The following CRMP1 variants were observed in gnomAD, a reference collection of about 807,000 sequenced individuals.
CRMP1 encodes the protein dihydropyrimidinase-related protein 1.
In CRMP1, 19 loss-of-function variants were observed where a neutral mutation model predicts 68.3. That is an observed-to-expected ratio of 0.28 (90% CI 0.19 to 0.41). The LOEUF is 0.41. Among genes scored for constraint, CRMP1 ranks in the 10% least tolerant of loss-of-function variants. CRMP1 has a pLI of 1.00. For missense variants in CRMP1, 791 were observed against 967.4 expected (o/e 0.82, Z 2.42); for synonymous variants, 439 against 399.6 (o/e 1.10, Z -1.18).
In CRMP1 at chr4:5,892,491, C is replaced by G. The variant is rs1715997120; in HGVS notation, c.381+98G>C. The G allele has an allele frequency of 3.6e-6, 4 of 1,108,498 alleles. No homozygotes were observed. Among genetic ancestry groups the G allele is most frequent in the African/African-American group, 3.3e-5 (2 of 60,282 alleles). 68.7% of individuals were successfully genotyped at this position (1,108,498 alleles called of 1,614,324 possible). A position where few individuals can be genotyped will look rare whatever the true frequency, so the allele number is the denominator to read the frequency against. ...TCTCCCCAGCCTGGCGGCCGCTGCC[C>G]CAACACCGGGGCCCGGGCATGGCCC... On this transcript the variant is annotated intron_variant, in intron 1 of 13. Transcript: ENST00000324989. The surrounding 1 kb of genome is among the most constrained non-coding windows in gnomAD (Gnocchi z 8.6).
intron 13 of CRMP1, chr4:5,824,775 C>T (rs1719276197): frequency 1.0e-6 from 1 of 983,358 alleles, no homozygotes. Context: ...CGGTGTGCAA[C>T]CCATGCAACG....
chr4:5,866,573 G>A lies in CRMP1; in HGVS notation c.470+95C>T, dbSNP rs1172973643. On this transcript the variant is annotated intron_variant, in intron 2 of 13. Transcript: ENST00000324989. This position sits in a 1 kb window ranked among gnomAD's most constrained non-coding sequence, Gnocchi z 5.9. ...CCCTGAAACACAGGTACACAGCCCC[G>A]TCATTCTAGGACAGAATGCCAGCCT... is the stretch of plus-strand genomic sequence containing the variant. 17 of 863,426 alleles carry A rather than the reference G, an allele frequency of 2.0e-5. No homozygotes were observed. Among genetic ancestry groups the A allele is most frequent in the Non-Finnish European group, 2.2e-5 (12 of 541,574 alleles). 53.5% of individuals were successfully genotyped at this position (863,426 alleles called of 1,614,324 possible). A position where few individuals can be genotyped will look rare whatever the true frequency, so the allele number is the denominator to read the frequency against.
rs1715915038 is a variant in CRMP1, at chr4:5,890,976, C to T, written c.381+1613G>A. Among the ~76,000 whole-genome samples the T allele has an allele frequency of 6.6e-6, 1 of 152,126 alleles. No homozygotes were observed. The highest frequency in any genetic ancestry group is 1.5e-5 in the Non-Finnish European group (1 of 68,016). On this transcript the variant is annotated intron_variant, in intron 1 of 13. Coordinates refer to ENST00000324989, the MANE Select transcript of CRMP1 (RefSeq NM_001014809.3). This position sits in a 1 kb window ranked among gnomAD's most constrained non-coding sequence, Gnocchi z 5.5. ...GAGAGCAAAGCGCCTTGGCTGGAAA[C>T]CCGGATTCCCTGGTGCTGGTCCCGC... is the stretch of plus-strand genomic sequence containing the variant.
At chr4:5,880,426 T>C (rs1295338364) in intron 1 of CRMP1, among the ~76,000 whole-genome samples, 4 of 152,142 alleles carry the variant, frequency 2.6e-5, no homozygotes, top group African/African-American at 9.7e-5. Context: ...TGGGGGCAGG[T>C]TCAAAATTTC....
At position 5,861,543 on chromosome 4, in the gene CRMP1, G is replaced by T. The variant is rs1713556833; in HGVS notation, c.471-333C>A. ...CCAACAGAAGTGAGCCCAGCATGATGCATGTGCTGACCGTCATGTCTATTC... is the reference window on the plus strand; with the variant it reads ...CCAACAGAAGTGAGCCCAGCATGATTCATGTGCTGACCGTCATGTCTATTC... On this transcript the variant is annotated intron_variant, in intron 2 of 13. Transcript: ENST00000324989. This position sits in a 1 kb window ranked among gnomAD's most constrained non-coding sequence, Gnocchi z 6.0. Among the ~76,000 whole-genome samples, 1 of 152,218 alleles carries T rather than the reference G, an allele frequency of 6.6e-6. No homozygotes were observed. The highest frequency in any genetic ancestry group is 2.4e-5 in the African/African-American group (1 of 41,462).
intron 13 of CRMP1, chr4:5,824,206 G>C: frequency 2.6e-6 from 2 of 761,866 alleles, no homozygotes; most frequent in Non-Finnish European, 3.2e-6. Context: ...CAAACTCCTT[G>C]AGAGCTTGTG....
intron 1 of CRMP1, among the ~76,000 whole-genome samples, chr4:5,871,978 T>TG (rs1057161659): frequency 1.3e-5 from 2 of 152,176 alleles, no homozygotes; most frequent in Non-Finnish European, 2.9e-5. Context: ...CGAACAGGTG[T>TG]GACCTCCAGG....
intron 1 of CRMP1, among the ~76,000 whole-genome samples, chr4:5,874,575 C>T: frequency 6.6e-6 from 1 of 152,010 alleles, no homozygotes; most frequent in Non-Finnish European, 1.5e-5. Flanking sequence ...CAGCCAGGAC[C>T]CTTACACAGT....
In CRMP1 at chr4:5,891,862, G is replaced by A. The variant is rs1344519110; in HGVS notation, c.381+727C>T. The stretch of plus-strand genomic sequence containing the variant: ...CTGATCCTCCCGGCCCCATGCTCAG[G>A]TCCGGGAGGCCAGAGACCCCAGTTC... On this transcript the variant is annotated intron_variant, in intron 1 of 13. Transcript: ENST00000324989. This position sits in a 1 kb window ranked among gnomAD's most constrained non-coding sequence, Gnocchi z 5.2. 6.6e-6 allele frequency among the ~76,000 whole-genome samples: 1 copy of A among 152,148 alleles called. No homozygotes were observed. The highest frequency in any genetic ancestry group is 1.5e-5 in the Non-Finnish European group (1 of 68,022).
Position 5,888,620 on chromosome 4 carries a change from A to ACCCAGCC in CRMP1, c.381+3968_381+3969insGGCTGGG. 1 of 751,538 alleles carries ACCCAGCC rather than the reference A, an allele frequency of 1.3e-6. No individual in the cohort carries two copies. The highest frequency in any genetic ancestry group is 1.6e-6 in the Non-Finnish European group (1 of 633,574). The allele number at this position is 751,538 out of a possible 1,614,324, so 46.6% of individuals were successfully genotyped here. A position where few individuals can be genotyped will look rare whatever the true frequency, so the allele number is the denominator to read the frequency against. On this transcript the variant is annotated intron_variant, in intron 1 of 13. Transcript: ENST00000324989. The surrounding 1 kb of genome is among the most constrained non-coding windows in gnomAD (Gnocchi z 6.4). Reference sequence around the variant, plus strand: ...GGAAGCGCTTCCCTTCCGATCTCCCACCCCGCCCCCCGCCCCCCACCCGCC... The same window carrying ACCCAGCC: ...GGAAGCGCTTCCCTTCCGATCTCCCACCCAGCCCCCCGCCCCCCGCCCCCCACCCGCC...
rs73208634 is a variant in CRMP1, at chr4:5,883,184, T to G, written c.381+9405A>C. Among the ~76,000 whole-genome samples, 2 of 152,266 alleles carry G rather than the reference T, an allele frequency of 1.3e-5. No individual in the cohort carries two copies. Among genetic ancestry groups the G allele is most frequent in the Non-Finnish European group, 2.9e-5 (2 of 68,020 alleles). ...GCTTCTGCCAGGGCTGAGTCATCTC[T>G]TCTCTGAATTCCTCTGACACCTGTG... On this transcript the variant is annotated intron_variant, in intron 1 of 13. Coordinates refer to ENST00000324989, the MANE Select transcript of CRMP1 (RefSeq NM_001014809.3). The surrounding 1 kb of genome is among the most constrained non-coding windows in gnomAD (Gnocchi z 4.5).
chr4:5,840,018 CAGTT>C (rs1175389724), intron 8 of CRMP1, among the ~76,000 whole-genome samples: 4 of 152,210 alleles, frequency 2.6e-5, no homozygotes, highest in African/African-American at 9.7e-5. Flanking sequence ...TTTACTCTCT[CAGTT>C]AGGGTTCTGC....
intron 1 of CRMP1, among the ~76,000 whole-genome samples, chr4:5,886,700 C>T (rs1207625923): frequency 6.6e-6 from 1 of 152,280 alleles, no homozygotes; most frequent in Admixed American, 6.5e-5. Context: ...GTCACTGCAT[C>T]ACCCCGACCC....
rs1008747278 is a variant in CRMP1 at position 5,881,880 on chromosome 4, T to G, written c.381+10709A>C. The stretch of plus-strand genomic sequence containing the variant: ...ATTTTTCTGTCTTCTACCAATACCT[T>G]TTGTACATGGGCCCCTAATATCTAT... On this transcript the variant is annotated intron_variant, in intron 1 of 13. Transcript: ENST00000324989. The surrounding 1 kb of genome is among the most constrained non-coding windows in gnomAD (Gnocchi z 4.6). Among the ~76,000 whole-genome samples the G allele has an allele frequency of 6.6e-6, 1 of 152,158 alleles. No homozygotes were observed. Among genetic ancestry groups the G allele is most frequent in the Admixed American group, 6.5e-5 (1 of 15,278 alleles).
chr4:5,891,203 CA>C lies in CRMP1; in HGVS notation c.381+1385del, dbSNP rs1264358106. Among the ~76,000 whole-genome samples the C allele has an allele frequency of 3.9e-4, 59 of 151,778 alleles. No homozygotes were observed. Among genetic ancestry groups the C allele is most frequent in the Non-Finnish European group, 6.8e-4 (46 of 67,912 alleles). Reference sequence around the variant, plus strand: ...ACACACACACACACACACACACACACACACACACACCCTTGCTGTTGGACCT... The same window carrying C: ...ACACACACACACACACACACACACACCACACACACCCTTGCTGTTGGACCT... On this transcript the variant is annotated intron_variant, in intron 1 of 13. Coordinates refer to ENST00000324989, the MANE Select transcript of CRMP1 (RefSeq NM_001014809.3). This position sits in a 1 kb window ranked among gnomAD's most constrained non-coding sequence, Gnocchi z 5.2.
At position 5,850,529 on chromosome 4, in the gene CRMP1, T is replaced by A. The variant is rs908946920; in HGVS notation, c.882+879A>T. The stretch of plus-strand genomic sequence containing the variant: ...AAGTGCTTCTCCCGTTGCCCATCTA[T>A]CTTCATGGTAATAACCAATTACCCT... On this transcript the variant is annotated intron_variant, in intron 5 of 13. Transcript: ENST00000324989. The surrounding 1 kb of genome is among the most constrained non-coding windows in gnomAD (Gnocchi z 4.4). 6.6e-6 allele frequency among the ~76,000 whole-genome samples: 1 copy of A among 152,204 alleles called. No individual in the cohort carries two copies. Among genetic ancestry groups the A allele is most frequent in the Non-Finnish European group, 1.5e-5 (1 of 68,042 alleles).
At position 5,855,317 on chromosome 4, in the gene CRMP1, T is replaced by C. The variant is rs114130712; in HGVS notation, c.820+826A>G. On this transcript the variant is annotated intron_variant, in intron 4 of 13. Transcript: ENST00000324989. This position sits in a 1 kb window ranked among gnomAD's most constrained non-coding sequence, Gnocchi z 4.9. The stretch of plus-strand genomic sequence containing the variant: ...AAACATAGCACAGCTATTTTAAAAA[T>C]TGGAAACACACCCTCGCTCTCCTTG... Among the ~76,000 whole-genome samples, 317 of 152,290 alleles carry C rather than the reference T, an allele frequency of 2.1e-3. 2 individuals carry two copies. Among genetic ancestry groups the C allele is most frequent in the African/African-American group, 7.1e-3 (293 of 41,558 alleles).
rs996406434 is a variant in CRMP1, at chr4:5,889,540, A to G, written c.381+3049T>C. On this transcript the variant is annotated intron_variant, in intron 1 of 13. Coordinates refer to ENST00000324989, the MANE Select transcript of CRMP1 (RefSeq NM_001014809.3). This position sits in a 1 kb window ranked among gnomAD's most constrained non-coding sequence, Gnocchi z 4.5. ...AACAGCAGAGGGGAAAAGATGAAAG[A>G]AGATGGAGGAAAAGGGGGAGCCCCA... is the stretch of plus-strand genomic sequence containing the variant. The G allele has an allele frequency of 6.5e-7, 1 of 1,531,214 alleles. No homozygotes were observed. The highest frequency in any genetic ancestry group is 1.4e-5 in the African/African-American group (1 of 72,912). 94.9% of individuals were successfully genotyped at this position (1,531,214 alleles called of 1,614,324 possible).
chr4:5,887,757 C>T, intron 1 of CRMP1: 1 of 986,286 alleles, frequency 1.0e-6, no homozygotes. Flanking sequence ...GAGTGGGGAG[C>T]GCTGGATGAT....
Sources: gnomAD v4.1 joint callset for allele counts (sites outside exome capture counted in the v4.1 genomes callset) on GRCh38, gnomAD v4.1.1 for gene constraint, Gnocchi (gnomAD v3.1) non-coding constraint, MANE v1.5 for transcripts, NCBI Gene and HGNC (gene_info 2026-07-23, HGNC 2026-07-21) for gene names.